VOPP1: variants seen among roughly 807,000 people sequenced by gnomAD.
VOPP1 encodes the protein VOPP1 WW domain binding protein.
VOPP1 carries 8 observed loss-of-function variants against 23.5 expected under a neutral mutation model. That is an observed-to-expected ratio of 0.34 (90% CI 0.20 to 0.61). VOPP1 has a LOEUF of 0.61. Ranked by LOEUF, VOPP1 falls within the 20% of genes least tolerant of loss-of-function variation. The probability of loss-of-function intolerance (pLI) is 0.78; values close to 1 mark genes in which losing one functional copy is unlikely to be tolerated. For missense variants in VOPP1, 174 were observed against 238.1 expected (o/e 0.73, Z 1.77); for synonymous variants, 83 against 97.3 (o/e 0.85, Z 0.86).
At chr7:55,529,136 T>G (rs1442077873) in intron 1 of VOPP1, among the ~76,000 whole-genome samples, 2 of 152,022 alleles carry the variant, frequency 1.3e-5, no homozygotes, top group Admixed American at 1.3e-4. Context: ...TCCCAGCACT[T>G]TGGGAGGCCA....
chr7:55,565,185 G>A (rs1469766852), intron 1 of VOPP1, among the ~76,000 whole-genome samples: 1 of 152,058 alleles, frequency 6.6e-6, no homozygotes, highest in Admixed American at 6.5e-5. Context: ...TATCGAATCC[G>A]ATGGCCTTCT....
intron 4 of VOPP1, among the ~76,000 whole-genome samples, chr7:55,464,173 C>T (rs955378752): frequency 9.9e-5 from 15 of 152,174 alleles, no homozygotes; most frequent in African/African-American, 3.6e-4. Context: ...CATCAGAACC[C>T]ACGATGGTGT....
chr7:55,555,469 C>G (rs1213427246), intron 1 of VOPP1, among the ~76,000 whole-genome samples: 1 of 152,324 alleles, frequency 6.6e-6, no homozygotes, highest in East Asian at 1.9e-4. Context: ...GTAAAATGAG[C>G]GGCAACATGT....
chr7:55,538,643 A>G, intron 1 of VOPP1: 1 of 1,536,050 alleles, frequency 6.5e-7, no homozygotes, highest in Non-Finnish European at 8.7e-7. Context: ...GATACCCAAG[A>G]GTTTCGCTGA....
chr7:55,445,957 T>C (rs1791089597), intron 4 of VOPP1, among the ~76,000 whole-genome samples: 1 of 151,964 alleles, frequency 6.6e-6, no homozygotes, highest in African/African-American at 2.4e-5. Flanking sequence ...AAAGTTCTAT[T>C]GGATAACACT....
intron 1 of VOPP1, among the ~76,000 whole-genome samples, chr7:55,558,129 G>T (rs1323935786): frequency 3.3e-5 from 5 of 152,110 alleles, no homozygotes; most frequent in African/African-American, 1.2e-4. Context: ...GTCCTAGAGG[G>T]CTGCTGTGCC....
chr7:55,530,320 G>C (rs1362004510), intron 1 of VOPP1, among the ~76,000 whole-genome samples: 2 of 152,090 alleles, frequency 1.3e-5, no homozygotes, highest in African/African-American at 4.8e-5. Flanking sequence ...ATTTTAATTG[G>C]AATTTCCCTA....
chr7:55,477,776 T>C (rs1302366843), intron 4 of VOPP1, among the ~76,000 whole-genome samples: 1 of 152,182 alleles, frequency 6.6e-6, no homozygotes, highest in Non-Finnish European at 1.5e-5. Context: ...AGAAAATGAA[T>C]AAACTGTGTA....
At chr7:55,506,485 G>A (rs1343879649) in intron 2 of VOPP1, among the ~76,000 whole-genome samples, 5 of 152,066 alleles carry the variant, frequency 3.3e-5, no homozygotes, top group Admixed American at 1.3e-4. Context: ...ACAGGTGTGC[G>A]CCCCCACGCC....
intron 2 of VOPP1, among the ~76,000 whole-genome samples, chr7:55,514,923 C>A (rs1795306387): frequency 6.6e-6 from 1 of 152,190 alleles, no homozygotes. Flanking sequence ...TGAGCTGGGG[C>A]CGTGCAGTGC....
At position 55,471,366 on chromosome 7, in the gene VOPP1, G is replaced by A; in HGVS notation, c.*1489C>T. 1 of 152,006 alleles carries A rather than the reference G, an allele frequency of 6.6e-6. No homozygotes were observed. Among genetic ancestry groups the A allele is most frequent in the East Asian group, 1.9e-4 (1 of 5,180 alleles). 9.4% of individuals were successfully genotyped at this position (152,006 alleles called of 1,614,324 possible). A position where few individuals can be genotyped will look rare whatever the true frequency, so the allele number is the denominator to read the frequency against. On this transcript the variant is annotated 3_prime_UTR_variant, in exon 5 of 5. Coordinates refer to ENST00000285279, the MANE Select transcript of VOPP1 (RefSeq NM_030796.5). ...TCCCCAGGAGGTTCTCCGATTAAAT[G>A]TCCTCAGAGTGAAAAGCATGGACAC...
chr7:55,498,768 G>A (rs758159183), intron 2 of VOPP1, among the ~76,000 whole-genome samples: 2 of 151,924 alleles, frequency 1.3e-5, no homozygotes, highest in Non-Finnish European at 2.9e-5. Flanking sequence ...AAATAGGCTT[G>A]TTTTATGTAG....
chr7:55,463,605 G>C (rs906950767), intron 4 of VOPP1, among the ~76,000 whole-genome samples: 6 of 152,316 alleles, frequency 3.9e-5, no homozygotes, highest in Admixed American at 2.0e-4. Context: ...AGGCTGTGGC[G>C]AGGCTTTGCT....
intron 2 of VOPP1, among the ~76,000 whole-genome samples, chr7:55,508,200 TG>T (rs1794854069): frequency 6.6e-6 from 1 of 152,146 alleles, no homozygotes; most frequent in Admixed American, 6.5e-5. Flanking sequence ...AGAGTTAAAG[TG>T]AAGAGGTGAG....
intron 1 of VOPP1, among the ~76,000 whole-genome samples, chr7:55,549,919 C>G (rs1267284767): frequency 6.6e-6 from 1 of 152,244 alleles, no homozygotes; most frequent in Non-Finnish European, 1.5e-5. Context: ...TTTCCCACCC[C>G]CATCCCCATC....
chr7:55,531,177 G>A (rs1796475328), intron 1 of VOPP1, among the ~76,000 whole-genome samples: 1 of 152,208 alleles, frequency 6.6e-6, no homozygotes, highest in Non-Finnish European at 1.5e-5. Context: ...ACTCATGAGT[G>A]GGAGACTTCA....
intron 1 of VOPP1, among the ~76,000 whole-genome samples, chr7:55,558,853 G>A (rs1056890661): frequency 4.6e-5 from 7 of 152,162 alleles, no homozygotes; most frequent in African/African-American, 1.2e-4. Context: ...CTATTTTAGT[G>A]TTCTGAGCCC....
chr7:55,443,559 A>G (rs1791020743), intron 4 of VOPP1, among the ~76,000 whole-genome samples: 1 of 152,234 alleles, frequency 6.6e-6, no homozygotes, highest in African/African-American at 2.4e-5. Flanking sequence ...GTCTCAAAAA[A>G]CAAAACAAAA....
chr7:55,452,754 T>C (rs914420781), intron 4 of VOPP1, among the ~76,000 whole-genome samples: 3 of 152,224 alleles, frequency 2.0e-5, no homozygotes, highest in African/African-American at 7.2e-5. Flanking sequence ...TGAGAAGCAG[T>C]GCGCTTAAAA....
Sources: allele counts gnomAD v4.1 joint callset (sites outside exome capture counted in the v4.1 genomes callset), GRCh38; gene constraint gnomAD v4.1.1; transcripts MANE v1.5; gene names NCBI Gene and HGNC (gene_info 2026-07-23, HGNC 2026-07-21).